Variants in SORCS3 observed in about 807,000 individuals in gnomAD.
The protein encoded by SORCS3 is sortilin related VPS10 domain containing receptor 3.
SORCS3 carries 57 observed loss-of-function variants against 146.3 expected under a neutral mutation model. That is an observed-to-expected ratio of 0.39 (90% CI 0.31 to 0.49). SORCS3 has a LOEUF of 0.49. Among genes scored for constraint, SORCS3 ranks in the 20% least tolerant of loss-of-function variants. The pLI is 0.92. For synonymous variants in SORCS3, 653 were observed against 618.5 expected (o/e 1.06, Z -0.83); for missense variants, 1,341 against 1,575.5 (o/e 0.85, Z 2.52).
intron 20 of SORCS3, among the ~76,000 whole-genome samples, chr10:105,235,528 C>A (rs1421913852): frequency 6.7e-6 from 1 of 150,076 alleles, no homozygotes; most frequent in Admixed American, 6.7e-5. Flanking sequence ...ATTGCTTATC[C>A]TAGAGAAAGC....
At chr10:104,652,662 C>T (rs1422694669) in intron 1 of SORCS3, among the ~76,000 whole-genome samples, 2 of 152,066 alleles carry the variant, frequency 1.3e-5, no homozygotes, top group African/African-American at 4.8e-5. Flanking sequence ...TTATTCCAGG[C>T]GTGTTGTACA....
chr10:105,081,863 C>T (rs895904939), intron 5 of SORCS3, among the ~76,000 whole-genome samples: 3 of 152,120 alleles, frequency 2.0e-5, no homozygotes, highest in African/African-American at 7.2e-5. Context: ...AATGACAATA[C>T]CCTCAGGAAG....
chr10:104,820,899 G>T (rs1043618002), intron 1 of SORCS3, among the ~76,000 whole-genome samples: 1 of 152,168 alleles, frequency 6.6e-6, no homozygotes, highest in Admixed American at 6.5e-5. Context: ...CCTTGGAGAA[G>T]TGATTTTGAT....
chr10:104,902,260 T>C (rs1045440811), intron 2 of SORCS3, among the ~76,000 whole-genome samples: 2 of 152,196 alleles, frequency 1.3e-5, no homozygotes, highest in Non-Finnish European at 2.9e-5. Flanking sequence ...TGAGATACAT[T>C]CTGTTTCTGA....
intron 11 of SORCS3, among the ~76,000 whole-genome samples, chr10:105,162,953 G>A (rs1363546277): frequency 6.6e-6 from 1 of 152,068 alleles, no homozygotes; most frequent in African/African-American, 2.4e-5. Flanking sequence ...CAACCACTAA[G>A]CGACTCGAGT....
At chr10:105,151,899 T>A (rs791133) in intron 9 of SORCS3, among the ~76,000 whole-genome samples, 1 of 151,740 alleles carries the variant, frequency 6.6e-6, no homozygotes. Flanking sequence ...AGTAATAATC[T>A]ATCTCTTCTT....
At chr10:104,768,192 A>G (rs1312986225) in intron 1 of SORCS3, among the ~76,000 whole-genome samples, 3 of 152,222 alleles carry the variant, frequency 2.0e-5, no homozygotes, top group African/African-American at 4.8e-5. Context: ...AAGTAAATGC[A>G]CAGAATCTAA....
chr10:104,813,295 A>C (rs1383112122), intron 1 of SORCS3, among the ~76,000 whole-genome samples: 3 of 152,222 alleles, frequency 2.0e-5, no homozygotes, highest in African/African-American at 7.2e-5. Context: ...CACATTGTGA[A>C]AGGTATCCTC....
intron 2 of SORCS3, among the ~76,000 whole-genome samples, chr10:104,912,676 A>G (rs1413866908): frequency 6.6e-6 from 1 of 152,204 alleles, no homozygotes; most frequent in Non-Finnish European, 1.5e-5. Context: ...CAATACAAAA[A>G]CTATTACTTT....
In SORCS3 at chr10:104,693,565, GAC is replaced by G. The variant is rs1489076184; in HGVS notation, c.627+51613_627+51614del. On this transcript the variant is annotated intron_variant, in intron 1 of 26. Transcript: ENST00000369701. ...TGTTGAGGATTATGACCGCAACCTT[GAC>G]AGTAATAACCCAGAGCTGACTCCAT... Among the ~76,000 whole-genome samples, 3 of 152,106 alleles carry G rather than the reference GAC, an allele frequency of 2.0e-5. No homozygotes were observed. The East Asian group carries it at 5.8e-4, about 29-fold the overall frequency.
chr10:105,216,809 A>T, intron 18 of SORCS3, 127 bp from the exon 19 acceptor site: 1 of 807,738 alleles, frequency 1.2e-6, no homozygotes, highest in Non-Finnish European at 2.0e-6. Flanking sequence ...ATTGTGTTGC[A>T]GGTGTTTCAG....
intron 2 of SORCS3, among the ~76,000 whole-genome samples, chr10:104,861,679 T>C (rs2018405015): frequency 6.6e-6 from 1 of 152,076 alleles, no homozygotes; most frequent in Non-Finnish European, 1.5e-5. Flanking sequence ...AGGGAAAGCA[T>C]GGAGAGTGAA....
At chr10:104,794,969 C>G (rs1265821104) in intron 1 of SORCS3, among the ~76,000 whole-genome samples, 3 of 152,148 alleles carry the variant, frequency 2.0e-5, no homozygotes, top group African/African-American at 7.2e-5. Flanking sequence ...AGGAGCTGGT[C>G]TCTTTAGCAT....
At chr10:104,790,977 CT>C (rs962838063) in intron 1 of SORCS3, among the ~76,000 whole-genome samples, 2 of 152,110 alleles carry the variant, frequency 1.3e-5, no homozygotes, top group African/African-American at 2.4e-5. Context: ...ACAGGCAACA[CT>C]TTTTTTTCTC....
At chr10:104,892,290 G>T (rs1313358023) in intron 2 of SORCS3, among the ~76,000 whole-genome samples, 1 of 152,188 alleles carries the variant, frequency 6.6e-6, no homozygotes, top group Non-Finnish European at 1.5e-5. Context: ...TTGGCCGAGG[G>T]TGGAAGTGAG....
intron 1 of SORCS3, among the ~76,000 whole-genome samples, chr10:104,798,963 C>T (rs1424681838): frequency 6.6e-6 from 1 of 152,036 alleles, no homozygotes; most frequent in Non-Finnish European, 1.5e-5. Flanking sequence ...CATCACTGGT[C>T]ATTAGAGAAA....
At chr10:105,106,651 T>G (rs935391084) in intron 7 of SORCS3, among the ~76,000 whole-genome samples, 3 of 152,186 alleles carry the variant, frequency 2.0e-5, no homozygotes, top group Non-Finnish European at 4.4e-5. Context: ...TACTTCTATC[T>G]ATAACTTAGT....
intron 2 of SORCS3, among the ~76,000 whole-genome samples, chr10:104,878,982 C>T (rs923546): frequency 0.72 from 108,972 of 152,040 alleles, 39,509 homozygotes; most frequent in East Asian, 0.88. Flanking sequence ...TCAGCAAATT[C>T]GGTGGTTCTC....
intron 18 of SORCS3, among the ~76,000 whole-genome samples, chr10:105,216,176 G>T (rs1220669751): frequency 6.6e-6 from 1 of 152,096 alleles, no homozygotes; most frequent in African/African-American, 2.4e-5. Context: ...GGAAGAGGAG[G>T]CTTAAGTAGA....
Sources: gnomAD v4.1 joint callset for allele counts (sites outside exome capture counted in the v4.1 genomes callset) on GRCh38, gnomAD v4.1.1 for gene constraint, MANE v1.5 for transcripts, NCBI Gene and HGNC (gene_info 2026-07-23, HGNC 2026-07-21) for gene names.